Variants in SOX6 observed in about 807,000 individuals in gnomAD.
The protein encoded by SOX6 is SRY-box transcription factor 6, also known as transcription factor SOX-6.
A neutral mutation model predicts 97.8 loss-of-function variants in SOX6; 11 were observed. The ratio of observed to expected loss-of-function variants is 0.11; its 90% CI spans 0.07 to 0.19. The LOEUF (loss-of-function observed/expected upper bound fraction) is 0.19, where lower values mean the gene tolerates loss of function less well. Ranked by LOEUF, SOX6 falls within the 10% of genes least tolerant of loss-of-function variation. The pLI, the probability that SOX6 is intolerant of heterozygous loss-of-function variation, is 1.00. For synonymous variants in SOX6, 360 were observed against 371.4 expected, an observed-to-expected ratio of 0.97 and a Z score of 0.35; for missense variants, 810 against 1,039.5, an observed-to-expected ratio of 0.78 and a Z score of 3.04.
chr11:16,228,295 T>G (rs1441659547), intron 4 of SOX6, among the ~76,000 whole-genome samples: 3 of 152,218 alleles, frequency 2.0e-5, no homozygotes, highest in Non-Finnish European at 4.4e-5. Context: ...GTATTTCATT[T>G]AAAGTTTTAA....
chr11:16,505,234 C>T (rs1333024050), intron 4 of SOX6, among the ~76,000 whole-genome samples: 1 of 152,132 alleles, frequency 6.6e-6, no homozygotes, highest in Non-Finnish European at 1.5e-5. Context: ...CTGAGGTGGT[C>T]TCAGATGGAG....
chr11:16,046,727 A>C, intron 11 of SOX6, 26 bp from the exon 12 acceptor site: 2 of 1,609,272 alleles, frequency 1.2e-6, no homozygotes, highest in Non-Finnish European at 1.7e-6. Flanking sequence ...GCATTATTAG[A>C]TGCTTGTGAG....
At chr11:16,634,954 C>G (rs1296794221) in intron 3 of SOX6, among the ~76,000 whole-genome samples, 3 of 152,174 alleles carry the variant, frequency 2.0e-5, no homozygotes, top group Non-Finnish European at 2.9e-5. Context: ...CTCCTTGCTG[C>G]AACCATGTGA....
At chr11:16,195,415 G>T (rs1229962403) in intron 4 of SOX6, among the ~76,000 whole-genome samples, 1 of 152,168 alleles carries the variant, frequency 6.6e-6, no homozygotes, top group Non-Finnish European at 1.5e-5. Context: ...GCAATGTTCT[G>T]AGGTACCAAG....
chr11:16,480,877 T>TTG (rs1283692624), upstream of SOX6, among the ~76,000 whole-genome samples: 1 of 152,156 alleles, frequency 6.6e-6, no homozygotes, highest in African/African-American at 2.4e-5. Flanking sequence ...TTAAAATTTA[T>TTG]TGATGCATTG....
chr11:16,260,112 G>A (rs1853835642), intron 3 of SOX6, among the ~76,000 whole-genome samples: 1 of 151,968 alleles, frequency 6.6e-6, no homozygotes, highest in African/African-American at 2.4e-5. Context: ...CCATTCTCCT[G>A]CCTCAGCCTC....
At chr11:16,409,008 A>C (rs908470153) in intron 1 of SOX6, 1 of 152,152 alleles carries the variant, frequency 6.6e-6, no homozygotes, top group African/African-American at 2.4e-5. Context: ...TAAACAGACT[A>C]AAGTATTTAG....
chr11:16,306,487 A>T (rs921726141), intron 3 of SOX6, among the ~76,000 whole-genome samples: 5 of 152,144 alleles, frequency 3.3e-5, no homozygotes, highest in Non-Finnish European at 7.4e-5. Context: ...ATACAAAGTT[A>T]TTCTGGATAG....
intron 9 of SOX6, among the ~76,000 whole-genome samples, chr11:16,075,300 C>T (rs533544410): frequency 1.3e-5 from 2 of 152,098 alleles, no homozygotes; most frequent in Non-Finnish European, 2.9e-5. Flanking sequence ...TCATGGTGGA[C>T]AGCAAAGGAG....
chr11:16,295,413 T>C (rs1391835173), intron 3 of SOX6, among the ~76,000 whole-genome samples: 1 of 152,070 alleles, frequency 6.6e-6, no homozygotes, highest in Admixed American at 6.6e-5. Context: ...AGACAGTTTA[T>C]AGCAGTTTGA....
At chr11:16,427,951 G>GTA (rs543303694) in intron 1 of SOX6, among the ~76,000 whole-genome samples, 3,751 of 152,216 alleles carry the variant, frequency 0.025, 130 homozygotes, top group African/African-American at 0.078. Flanking sequence ...CACCAACAGT[G>GTA]TAAAAGTGTT....
At chr11:16,642,549 C>A (rs1848935067) in intron 3 of SOX6, among the ~76,000 whole-genome samples, 1 of 152,226 alleles carries the variant, frequency 6.6e-6, no homozygotes, top group African/African-American at 2.4e-5. Context: ...CTTTCAGGTA[C>A]ACCAATCAGA....
At chr11:16,324,170 C>G (rs755135002) in intron 2 of SOX6, among the ~76,000 whole-genome samples, 1 of 151,916 alleles carries the variant, frequency 6.6e-6, no homozygotes, top group Non-Finnish European at 1.5e-5. Context: ...GGCAAACAAG[C>G]CAGACTCTGT....
intron 1 of SOX6, among the ~76,000 whole-genome samples, chr11:16,475,808 T>A (rs1026649765): frequency 6.6e-6 from 1 of 152,134 alleles, no homozygotes; most frequent in African/African-American, 2.4e-5. Flanking sequence ...AAAAAAAATC[T>A]GCAAAGCACA....
intron 2 of SOX6, among the ~76,000 whole-genome samples, chr11:16,715,597 G>A (rs1848214378): frequency 6.6e-6 from 1 of 151,768 alleles, no homozygotes; most frequent in Non-Finnish European, 1.5e-5. Flanking sequence ...AAAAAAAGGA[G>A]TGGGGAATAA....
At chr11:16,150,509 G>T (rs1460917718) in intron 6 of SOX6, among the ~76,000 whole-genome samples, 1 of 152,026 alleles carries the variant, frequency 6.6e-6, no homozygotes, top group African/African-American at 2.4e-5. Context: ...TCCCTCCCCT[G>T]GATCCTAAAA....
intron 4 of SOX6, among the ~76,000 whole-genome samples, chr11:16,489,422 C>T (rs1860478833): frequency 6.6e-6 from 1 of 152,004 alleles, no homozygotes; most frequent in Non-Finnish European, 1.5e-5. Context: ...AATATTATGT[C>T]ATTATGTGGT....
chr11:16,174,643 A>T (rs1289806122), intron 6 of SOX6, among the ~76,000 whole-genome samples: 1 of 151,914 alleles, frequency 6.6e-6, no homozygotes, highest in Non-Finnish European at 1.5e-5. Flanking sequence ...ATACTGTTTA[A>T]CTTCTTAAAT....
intron 4 of SOX6, among the ~76,000 whole-genome samples, chr11:16,557,051 G>T (rs1847756522): frequency 6.6e-6 from 1 of 151,640 alleles, no homozygotes; most frequent in Non-Finnish European, 1.5e-5. Flanking sequence ...TTCAAAATGT[G>T]GTGTTTCCCT....
Sources: gnomAD v4.1 joint callset for allele counts (sites outside exome capture counted in the v4.1 genomes callset) on GRCh38, gnomAD v4.1.1 for gene constraint, MANE v1.5 for transcripts, NCBI Gene and HGNC (gene_info 2026-07-23, HGNC 2026-07-21) for gene names.